Variants in BRD7 observed in about 807,000 individuals in gnomAD.
BRD7 encodes bromodomain-containing protein 7.
A neutral mutation model predicts 82.1 loss-of-function variants in BRD7; 15 were observed. The ratio of observed to expected loss-of-function variants is 0.18; its 90% CI spans 0.12 to 0.28. The LOEUF (loss-of-function observed/expected upper bound fraction) is 0.28, where lower values mean the gene tolerates loss of function less well. Ranked by LOEUF, BRD7 falls within the 10% of genes least tolerant of loss-of-function variation. BRD7 has a pLI of 1.00. For synonymous variants in BRD7, 232 were observed against 266.9 expected (o/e 0.87, Z 1.27); for missense variants, 638 against 779.9 (o/e 0.82, Z 2.17).
Position 50,368,953 on chromosome 16 carries a change from A to C in BRD7, c.-179T>G. 1 of 171,412 alleles carries C rather than the reference A, an allele frequency of 5.8e-6. No individual in the cohort carries two copies. The highest frequency in any genetic ancestry group is 1.1e-5 in the Non-Finnish European group (1 of 91,628). The allele number at this position is 171,412 out of a possible 1,614,324, so 10.6% of individuals were successfully genotyped here. ...CCCTCTCGAGAAGACGGCGCGCGAG[A>C]CCCGGCCGGAGCCCGAGAGCGGCGG... On this transcript the variant is annotated 5_prime_UTR_variant, in exon 1 of 17. Coordinates refer to ENST00000394688, the MANE Select transcript of BRD7 (RefSeq NM_013263.5).
chr16:50,350,650 GTA>G (rs2151188438), intron 4 of BRD7, among the ~76,000 whole-genome samples: 1 of 152,270 alleles, frequency 6.6e-6, no homozygotes, highest in African/African-American at 2.4e-5. Context: ...TCTATCACGT[GTA>G]TGTGGGGGAT....
Position 50,318,467 on chromosome 16 carries a change from G to C in BRD7, c.*744C>G, listed in dbSNP as rs1179006567. 4 of 152,080 alleles carry C rather than the reference G, an allele frequency of 2.6e-5. No homozygotes were observed. The highest frequency in any genetic ancestry group is 1.5e-5 in the Non-Finnish European group (1 of 68,026). 9.4% of individuals were successfully genotyped at this position (152,080 alleles called of 1,614,324 possible). ...GTATAACAGGTTCTATACCGATTCAGCAAAATCACCATTTATCTCAGCTTG... is the reference window on the plus strand; with the variant it reads ...GTATAACAGGTTCTATACCGATTCACCAAAATCACCATTTATCTCAGCTTG... On this transcript the variant is annotated 3_prime_UTR_variant, in exon 17 of 17. Coordinates refer to ENST00000394688, the MANE Select transcript of BRD7 (RefSeq NM_013263.5).
chr16:50,330,739 A>C (rs1275565100), intron 8 of BRD7, among the ~76,000 whole-genome samples: 1 of 152,174 alleles, frequency 6.6e-6, no homozygotes, highest in African/African-American at 2.4e-5. Context: ...TTTAAAAAAA[A>C]CAGAATTTCG....
At chr16:50,338,348 A>G (rs1040657094) in intron 6 of BRD7, among the ~76,000 whole-genome samples, 1 of 152,206 alleles carries the variant, frequency 6.6e-6, no homozygotes, top group Non-Finnish European at 1.5e-5. Flanking sequence ...TTAGGAGCGC[A>G]AGAATAATCA....
intron 8 of BRD7, among the ~76,000 whole-genome samples, chr16:50,330,335 CACT>C (rs1426972175): frequency 5.6e-4 from 44 of 78,026 alleles, no homozygotes; most frequent in East Asian, 3.0e-3. Context: ...GAAAAGAGGA[CACT>C]TTTTTTTTTT....
intron 2 of BRD7, among the ~76,000 whole-genome samples, chr16:50,363,620 G>T (rs1333357239): frequency 1.3e-5 from 2 of 150,696 alleles, no homozygotes; most frequent in African/African-American, 4.9e-5. Flanking sequence ...TTGAAAAATT[G>T]TAAGGCTTTA....
intron 5 of BRD7, among the ~76,000 whole-genome samples, chr16:50,343,192 C>T (rs2038142039): frequency 6.6e-6 from 1 of 152,204 alleles, no homozygotes; most frequent in Non-Finnish European, 1.5e-5. Context: ...TCTGTCCCCA[C>T]CCCAATCTCA....
chr16:50,319,976 T>C lies in BRD7; in HGVS notation c.1811A>G (p.Asp604Gly). ...TCGAACTCCATACGTGCTTACGATA[T>C]CACCTGGAGTTACTTGCTGTGCAAG... ...KELAQQVTPG[D>G]IVSTYGVRKA... Residue 604 changes from aspartate to glycine, a missense_variant, in exon 16 of 17, where the codon GAT (aspartate) becomes GGT (glycine). By Grantham distance (94) the Asp-to-Gly change is moderately conservative. Around this residue, in one of 3 missense-constraint regions of BRD7, gnomAD observed 402 missense variants for 500.8 expected, o/e 0.80. Coordinates refer to ENST00000394688, the MANE Select transcript of BRD7 (RefSeq NM_013263.5). The C allele has an allele frequency of 1.2e-6, 2 of 1,613,246 alleles. No individual in the cohort carries two copies. Among genetic ancestry groups the C allele is most frequent in the Non-Finnish European group, 1.7e-6 (2 of 1,179,840 alleles).
intron 2 of BRD7, among the ~76,000 whole-genome samples, chr16:50,362,707 A>C (rs1299000057): frequency 6.6e-6 from 1 of 152,198 alleles, no homozygotes; most frequent in Non-Finnish European, 1.5e-5. Context: ...AAAGACAAAT[A>C]CTGTATCATT....
chr16:50,350,134 C>T lies in BRD7; in HGVS notation c.480G>A (p.Val160=). 1.3e-6 allele frequency: 2 copies of T among 1,592,400 alleles called. No homozygotes were observed. The highest frequency in any genetic ancestry group is 1.2e-5 in the South Asian group (1 of 86,498). Residue 160 remains valine (V), a synonymous_variant, in exon 5 of 17, where the codon GTG becomes GTA. Transcript: ENST00000394688. The part of the protein sequence containing the change: ...KDPSAFFSFP[V]TDFIAPGYSM... ...AGTAGCCAGGAGCAATAAAATCAGTCACAGGAAATGAAAAGAAAGCACTTG... is the reference window on the plus strand; with the variant it reads ...AGTAGCCAGGAGCAATAAAATCAGTTACAGGAAATGAAAAGAAAGCACTTG...
chr16:50,334,583 A>G, intron 7 of BRD7, 128 bp downstream of exon 7: 1 of 1,100,900 alleles, frequency 9.1e-7, no homozygotes, highest in Non-Finnish European at 1.3e-6. Context: ...ATGGACTTTC[A>G]TGCCAAAACA....
At chr16:50,328,526 A>G in intron 9 of BRD7, 143 bp downstream of exon 9, 1 of 600,828 alleles carries the variant, frequency 1.7e-6, no homozygotes. Context: ...GTTACCATGA[A>G]ATACATGATG....
At chr16:50,326,680 C>T (rs1383998757) in intron 9 of BRD7, among the ~76,000 whole-genome samples, 1 of 152,090 alleles carries the variant, frequency 6.6e-6, no homozygotes, top group Non-Finnish European at 1.5e-5. Context: ...ACAAAAGCCA[C>T]AAAAACTTTT....
intron 1 of BRD7, 26 bp downstream of exon 1, chr16:50,368,700 C>T: frequency 1.3e-6 from 2 of 1,550,360 alleles, no homozygotes; most frequent in Non-Finnish European, 1.7e-6. Context: ...GAGGGCCCGC[C>T]GCCCGCACCC....
intron 2 of BRD7, among the ~76,000 whole-genome samples, chr16:50,367,279 G>C (rs1346867074): frequency 2.6e-4 from 40 of 152,108 alleles, no homozygotes; most frequent in Admixed American, 2.4e-3. Context: ...CTGGAGTGCA[G>C]TGGTATGATC....
In BRD7 at chr16:50,368,298, T is replaced by C; in HGVS notation, c.50A>G (p.Glu17Gly). 6.2e-7 allele frequency: 1 copy of C among 1,610,894 alleles called. No homozygotes were observed. The change falls in exon 2 of 17, where the codon GAG (glutamate) becomes GGG (glycine). Residue 17 changes from glutamate to glycine, a missense_variant and splice_region_variant. Coordinates refer to ENST00000394688, the MANE Select transcript of BRD7 (RefSeq NM_013263.5). Reference protein sequence around the residue: ...KHKSDKHLYEEYVEKPLKLVL... With the variant: ...KHKSDKHLYEGYVEKPLKLVL... ...CAGCTTCAAGGGCTTCTCTACATAC[T>C]CTTAAAAAAAGAAAAGAAAAGAAAG...
intron 9 of BRD7, 143 bp from the exon 10 acceptor site, chr16:50,326,534 T>C (rs1371719279): frequency 1.2e-5 from 6 of 481,444 alleles, no homozygotes; most frequent in African/African-American, 9.9e-5. Flanking sequence ...ACATCCACTT[T>C]TATAAGAAAA....
intron 5 of BRD7, among the ~76,000 whole-genome samples, chr16:50,346,352 TA>T (rs1284519487): frequency 6.6e-6 from 1 of 151,896 alleles, no homozygotes; most frequent in African/African-American, 2.4e-5. Flanking sequence ...ACATCACAAT[TA>T]AAAAAATTAG....
intron 9 of BRD7, 97 bp downstream of exon 9, chr16:50,328,572 G>A: frequency 9.9e-7 from 1 of 1,010,968 alleles, no homozygotes. Flanking sequence ...GACACAGACT[G>A]ATCAATATTC....
Sources: gnomAD v4.1 joint callset for allele counts (sites outside exome capture counted in the v4.1 genomes callset) on GRCh38, gnomAD v4.1.1 for gene constraint, gnomAD v4.1.1 regional missense constraint, MANE v1.5 for transcripts, NCBI Gene and HGNC (gene_info 2026-07-23, HGNC 2026-07-21) for gene names.